The following CAST variants were observed in gnomAD, a reference collection of about 807,000 sequenced individuals.
CAST encodes the protein MIR583 host.
A neutral mutation model predicts 119.6 loss-of-function variants in CAST; 76 were observed. The observed-to-expected ratio is 0.64, with a 90% CI of 0.53 to 0.77. The LOEUF is 0.77. Ranked by LOEUF, CAST falls within the 30% of genes least tolerant of loss-of-function variation. The pLI, the probability that CAST is intolerant of heterozygous loss-of-function variation, is 0.00. For missense variants in CAST, 953 were observed against 946.5 expected, an observed-to-expected ratio of 1.01 and a Z score of -0.09; for synonymous variants, 319 against 331.6, an observed-to-expected ratio of 0.96 and a Z score of 0.41.
chr5:95,995,345 A>G, the CAST span, among the ~76,000 whole-genome samples: 1 of 152,102 alleles, frequency 6.6e-6, no homozygotes, highest in South Asian at 2.1e-4. Context: ...GAGAAATTCC[A>G]TTGGTAAGAA....
chr5:96,439,687 AT>A, the CAST span, among the ~76,000 whole-genome samples: 1 of 152,176 alleles, frequency 6.6e-6, no homozygotes, highest in Non-Finnish European at 1.5e-5. Flanking sequence ...ACTGTAAGAA[AT>A]TGGTCACCTC....
the CAST span, among the ~76,000 whole-genome samples, chr5:96,095,095 G>C: frequency 6.6e-6 from 1 of 152,182 alleles, no homozygotes; most frequent in East Asian, 1.9e-4. Context: ...GCAAGAAAAG[G>C]GTGAAATGGT....
At chr5:96,614,767 ATATAGT>A (rs2150197082) in intron 1 of CAST, among the ~76,000 whole-genome samples, 1 of 152,218 alleles carries the variant, frequency 6.6e-6, no homozygotes, top group African/African-American at 2.4e-5. Flanking sequence ...GAATATATAT[ATATAGT>A]TGAATTATGA....
intron 2 of CAST, among the ~76,000 whole-genome samples, chr5:96,683,047 A>G (rs1751636610): frequency 6.6e-6 from 1 of 152,160 alleles, no homozygotes; most frequent in African/African-American, 2.4e-5. Flanking sequence ...TGGATTTGGA[A>G]TCTTTGACTT....
At chr5:96,680,368 AAAAAAAAAAAAGAAG>A (rs1275712957) in intron 2 of CAST, among the ~76,000 whole-genome samples, 18 of 140,074 alleles carry the variant, frequency 1.3e-4, no homozygotes, top group African/African-American at 4.2e-4. Context: ...AAAAAAAAAA[AAAAAAAAAAAAGAAG>A]AAGAAGAAAA....
the CAST span, among the ~76,000 whole-genome samples, chr5:96,499,255 T>C: frequency 1.3e-5 from 2 of 152,180 alleles, no homozygotes; most frequent in Non-Finnish European, 2.9e-5. Context: ...ATACTTTTCT[T>C]TATATGAGCA....
At chr5:96,562,619 T>C (rs1242230841) in intron 1 of CAST, among the ~76,000 whole-genome samples, 4 of 152,212 alleles carry the variant, frequency 2.6e-5, no homozygotes, top group African/African-American at 9.7e-5. Context: ...TACTCAGCAC[T>C]TGCACATCTA....
intron 1 of CAST, chr5:96,663,255 T>A: frequency 2.9e-6 from 2 of 701,750 alleles, no homozygotes; most frequent in Non-Finnish European, 5.2e-6. Flanking sequence ...GGCGTGCGGA[T>A]GAAGCGTTGT....
the CAST span, among the ~76,000 whole-genome samples, chr5:96,312,803 CTAGTT>C: frequency 6.6e-6 from 1 of 152,062 alleles, no homozygotes; most frequent in African/African-American, 2.4e-5. Context: ...TCTCTTTTTA[CTAGTT>C]TAATCTACAT....
chr5:96,472,154 A>G, the CAST span, among the ~76,000 whole-genome samples: 1 of 152,246 alleles, frequency 6.6e-6, no homozygotes, highest in African/African-American at 2.4e-5. Flanking sequence ...TTCAATATCA[A>G]AAGTAGAAAG....
At chr5:96,731,461 T>C (rs1760469062) in intron 9 of CAST, among the ~76,000 whole-genome samples, 1 of 149,350 alleles carries the variant, frequency 6.7e-6, no homozygotes, top group African/African-American at 2.5e-5. Context: ...TTTTTTTACC[T>C]TATCCTTTAA....
Position 96,534,789 on chromosome 5 carries a change from GAAAGAAAGAAAGAAGAAAGA to G in CAST, c.60+4912_60+4931del, listed in dbSNP as rs1348007385. Among the ~76,000 whole-genome samples the G allele has an allele frequency of 4.6e-4, 51 of 110,412 alleles. 1 individual carries two copies. Among genetic ancestry groups the G allele is most frequent in the African/African-American group, 1.7e-3 (48 of 28,830 alleles). The allele number at this position is 110,412 out of a possible 152,430, so 72.4% of individuals were successfully genotyped here. On this transcript the variant is annotated intron_variant, in intron 1 of 11. Transcript: ENST00000505143. ...AGAAAGAAAGAAAGAAAGAAAGAAA[GAAAGAAAGAAAGAAGAAAGA>G]AAGAAAGAAAGAAAAGAAAGAAGGA... is the stretch of plus-strand genomic sequence containing the variant.
chr5:96,704,783 C>T (rs1754600026), intron 3 of CAST, among the ~76,000 whole-genome samples: 1 of 152,172 alleles, frequency 6.6e-6, no homozygotes, highest in Non-Finnish European at 1.5e-5. Flanking sequence ...AATCTGCTTA[C>T]TAGAAAATTA....
At position 96,770,539 on chromosome 5, in the gene CAST, C is replaced by G. The variant is rs371786334; in HGVS notation, c.2277C>G (p.Cys759Trp). 3.1e-6 allele frequency: 5 copies of G among 1,611,668 alleles called. No individual in the cohort carries two copies. The South Asian group carries it at 3.3e-5, about 11-fold the overall frequency. Residue 759 changes from cysteine to tryptophan, a missense_variant, in exon 30 of 32, where the codon TGC (cysteine) becomes TGG (tryptophan). Physicochemically the swap from Cys to Trp is radical, Grantham distance 215. Coordinates refer to ENST00000675179, the MANE Select transcript of CAST (RefSeq NM_001750.7). ...CATTTCCTTTGCTTTAGGATAAGTG[C>G]AAGAAGGCTGCTTCCAGCTCCAAAG... ...ETSQNTAKDK[C>W]KKAASSSKAP...
At chr5:96,139,460 G>A in the CAST span, among the ~76,000 whole-genome samples, 1 of 149,700 alleles carries the variant, frequency 6.7e-6, no homozygotes, top group South Asian at 2.1e-4. Flanking sequence ...GAAAAAGTTG[G>A]GGTAGTATAG....
the CAST span, among the ~76,000 whole-genome samples, chr5:96,296,834 T>C: frequency 3.1e-4 from 47 of 152,362 alleles, no homozygotes; most frequent in East Asian, 6.9e-3. Flanking sequence ...GTTTTAATCA[T>C]GGACTGGTTT....
chr5:96,473,822 G>A, the CAST span, among the ~76,000 whole-genome samples: 1 of 152,208 alleles, frequency 6.6e-6, no homozygotes, highest in Non-Finnish European at 1.5e-5. Context: ...CAGAAGGGAA[G>A]AGGGGATGTA....
the CAST span, among the ~76,000 whole-genome samples, chr5:96,382,692 G>C: frequency 6.6e-6 from 1 of 152,058 alleles, no homozygotes. Context: ...ACAGAGAGTG[G>C]GTGTTTCATC....
the CAST span, among the ~76,000 whole-genome samples, chr5:96,105,284 TG>T: frequency 6.6e-6 from 1 of 152,054 alleles, no homozygotes; most frequent in African/African-American, 2.4e-5. Flanking sequence ...TGAATAGGAG[TG>T]GTGAGAGAGG....
Sources: gnomAD v4.1 joint callset for allele counts (sites outside exome capture counted in the v4.1 genomes callset) on GRCh38, gnomAD v4.1.1 for gene constraint, MANE v1.5 for transcripts, NCBI Gene and HGNC (gene_info 2026-07-23, HGNC 2026-07-21) for gene names.